Variants in EMP2 observed in about 807,000 individuals in gnomAD.
The protein encoded by EMP2 is epithelial membrane protein 2.
A neutral mutation model predicts 13.7 loss-of-function variants in EMP2; 19 were observed. The observed-to-expected ratio is 1.38, with a 90% CI of 0.97 to 2.03. EMP2 has a LOEUF of 2.03. EMP2 is among the 30% of genes most tolerant of loss of function. EMP2 has a pLI of 0.00. For missense variants in EMP2, 253 were observed against 220.7 expected (o/e 1.15, Z -0.93); for synonymous variants, 97 against 84.7 (o/e 1.15, Z -0.80).
At chr16:10,568,034 C>A (rs1393398894) in intron 1 of EMP2, among the ~76,000 whole-genome samples, 1 of 152,164 alleles carries the variant, frequency 6.6e-6, no homozygotes, top group Non-Finnish European at 1.5e-5. Flanking sequence ...AAGCCCAGAG[C>A]TATAGAATAA....
intron 1 of EMP2, among the ~76,000 whole-genome samples, chr16:10,554,737 C>A (rs771431610): frequency 6.6e-6 from 1 of 152,180 alleles, no homozygotes; most frequent in East Asian, 1.9e-4. Flanking sequence ...CAGTGCTCTG[C>A]TGCTTTAGGG....
rs1365997745 is a variant in EMP2 at position 10,543,605 on chromosome 16, T to G, written c.134A>C (p.Asn45Thr). The G allele has an allele frequency of 4.3e-6, 7 of 1,614,152 alleles. No individual in the cohort carries two copies. The highest frequency in any genetic ancestry group is 5.9e-6 in the Non-Finnish European group (7 of 1,180,046). ...FADVWRICTNNTNCTVINDSF... is the reference protein window; with the variant it reads ...FADVWRICTNTTNCTVINDSF... The stretch of plus-strand genomic sequence containing the variant: ...GTCATTGATGACTGTGCAATTCGTG[T>G]TGTTGGTACATATTCTCCAGACATC... The change falls in exon 3 of 5, where the codon AAC becomes ACC. Residue 45 changes from asparagine to threonine, a missense_variant. Asn to Thr is a moderately conservative substitution (Grantham distance 65). Coordinates refer to ENST00000359543, the MANE Select transcript of EMP2 (RefSeq NM_001424.6).
intron 1 of EMP2, among the ~76,000 whole-genome samples, chr16:10,560,893 G>A (rs1332328031): frequency 6.6e-6 from 1 of 152,214 alleles, no homozygotes; most frequent in Admixed American, 6.5e-5. Context: ...AGAAGCTTAA[G>A]GGCCTTGGAG....
intron 1 of EMP2, among the ~76,000 whole-genome samples, chr16:10,562,336 T>TTCTCTCTCTCTCTCTCTC (rs540802206): frequency 2.0e-4 from 25 of 124,194 alleles, no homozygotes; most frequent in South Asian, 5.8e-4. Flanking sequence ...CTCATGCATG[T>TTCTCTCTCTCTCTCTCTC]TCTCTCTCTC....
At chr16:10,549,079 G>A (rs1029886553) in intron 1 of EMP2, among the ~76,000 whole-genome samples, 4 of 152,332 alleles carry the variant, frequency 2.6e-5, no homozygotes. Flanking sequence ...GGAGGTAGCT[G>A]GGGATGGTGC....
At chr16:10,571,253 C>G (rs965424120) in intron 1 of EMP2, among the ~76,000 whole-genome samples, 9 of 75,922 alleles carry the variant, frequency 1.2e-4, no homozygotes, top group African/African-American at 5.3e-4. Flanking sequence ...AAGACTCCGT[C>G]TCAAAAAAAA....
intron 1 of EMP2, among the ~76,000 whole-genome samples, chr16:10,564,239 C>T (rs2050891926): frequency 6.6e-6 from 1 of 152,100 alleles, no homozygotes; most frequent in Non-Finnish European, 1.5e-5. Context: ...GCCTGTAATC[C>T]CAACATTTTG....
At chr16:10,555,427 G>T (rs1435171636) in intron 1 of EMP2, among the ~76,000 whole-genome samples, 1 of 152,172 alleles carries the variant, frequency 6.6e-6, no homozygotes, top group South Asian at 2.1e-4. Context: ...TCAAGTTTCT[G>T]TATAGAAATC....
In EMP2 at chr16:10,532,502, T is replaced by TA. The variant is rs904219694; in HGVS notation, c.*402_*403insT. 1 of 152,844 alleles carries TA rather than the reference T, an allele frequency of 6.5e-6. No individual in the cohort carries two copies. Among genetic ancestry groups the TA allele is most frequent in the Admixed American group, 6.5e-5 (1 of 15,296 alleles). The allele number at this position is 152,844 out of a possible 1,614,324, so 9.5% of individuals were successfully genotyped here. On this transcript the variant is annotated 3_prime_UTR_variant, in exon 5 of 5. Transcript: ENST00000359543. ...CTAGCAGAGAGATTCGGGAGGGGCT[T>TA]GGGCCAGCTGAAACCCATAGGAAGC...
rs1410141402 is a variant in EMP2 at position 10,532,873 on chromosome 16, T to TA, written c.*31dup. On this transcript the variant is annotated 3_prime_UTR_variant, in exon 5 of 5. Transcript: ENST00000359543. The stretch of plus-strand genomic sequence containing the variant: ...AATGGTTATCTGAATGTGGATTCTG[T>TA]ACTGCAGCAGAAGCAACCCAGCTCC... 2 of 1,404,110 alleles carry TA rather than the reference T, an allele frequency of 1.4e-6. No homozygotes were observed. Among genetic ancestry groups the TA allele is most frequent in the African/African-American group, 2.9e-5 (2 of 68,406 alleles). The allele number at this position is 1,404,110 out of a possible 1,614,324, so 87.0% of individuals were successfully genotyped here.
chr16:10,554,322 G>A (rs868791274), intron 1 of EMP2, among the ~76,000 whole-genome samples: 85 of 152,128 alleles, frequency 5.6e-4, no homozygotes, highest in African/African-American at 2.0e-3. Context: ...GTGAGCCACC[G>A]TGCCCGACCA....
intron 1 of EMP2, among the ~76,000 whole-genome samples, chr16:10,562,390 C>CTA (rs2050879042): frequency 1.4e-5 from 2 of 148,146 alleles, no homozygotes; most frequent in South Asian, 2.2e-4. Flanking sequence ...CTATCTATCT[C>CTA]TCTCTCTCTA....
chr16:10,567,432 C>T (rs1243383557), intron 1 of EMP2, among the ~76,000 whole-genome samples: 1 of 152,206 alleles, frequency 6.6e-6, no homozygotes, highest in Non-Finnish European at 1.5e-5. Context: ...ATGAATAATT[C>T]CATGGCTCAT....
intron 1 of EMP2, among the ~76,000 whole-genome samples, chr16:10,552,378 G>A (rs2050795042): frequency 6.6e-6 from 1 of 152,112 alleles, no homozygotes; most frequent in South Asian, 2.1e-4. Context: ...TTTCCCAAAG[G>A]ATGGAATTAA....
intron 1 of EMP2, among the ~76,000 whole-genome samples, chr16:10,552,182 C>T (rs569299502): frequency 9.3e-5 from 14 of 150,826 alleles, no homozygotes; most frequent in South Asian, 8.4e-4. Flanking sequence ...TCATGTACCA[C>T]GCTGAATGCC....
chr16:10,562,349 TC>T (rs2050877520), intron 1 of EMP2, among the ~76,000 whole-genome samples: 1 of 143,292 alleles, frequency 7.0e-6, no homozygotes, highest in Non-Finnish European at 1.5e-5. Flanking sequence ...TCTCTCTCTC[TC>T]TCTCTCTCTC....
intron 1 of EMP2, among the ~76,000 whole-genome samples, chr16:10,568,879 C>A (rs72781760): frequency 6.6e-5 from 10 of 150,480 alleles, no homozygotes; most frequent in Non-Finnish European, 1.0e-4. Context: ...CTCTGCCTCC[C>A]GGGTTCAAGC....
At chr16:10,573,930 C>CTTTTTTTT (rs371646297) in intron 1 of EMP2, among the ~76,000 whole-genome samples, 26 of 83,204 alleles carry the variant, frequency 3.1e-4, no homozygotes, top group Non-Finnish European at 4.1e-4. Flanking sequence ...ATGGATAAAC[C>CTTTTTTTT]TTTTTTTTTT....
At chr16:10,574,433 GC>G (rs33991753) in intron 1 of EMP2, among the ~76,000 whole-genome samples, 7,053 of 152,002 alleles carry the variant, frequency 0.046, 551 homozygotes, top group African/African-American at 0.16. Flanking sequence ...TCACACTGTG[GC>G]CCCCCCTCAT....
Sources: allele counts gnomAD v4.1 joint callset (sites outside exome capture counted in the v4.1 genomes callset), GRCh38; gene constraint gnomAD v4.1.1; transcripts MANE v1.5; gene names NCBI Gene and HGNC (gene_info 2026-07-23, HGNC 2026-07-21).